The following VWA8 variants were observed in gnomAD, a reference collection of about 807,000 sequenced individuals.
VWA8 encodes the protein von Willebrand factor A domain-containing protein 8.
VWA8 carries 221 observed loss-of-function variants against 241.5 expected under a neutral mutation model. The ratio of observed to expected loss-of-function variants is 0.91; its 90% CI spans 0.82 to 1.02. VWA8 has a LOEUF of 1.02. Among genes scored for constraint, VWA8 ranks in the 50% least tolerant of loss-of-function variants. The probability of loss-of-function intolerance (pLI) is 0.00; values close to 1 mark genes in which losing one functional copy is unlikely to be tolerated. For synonymous variants in VWA8, 852 were observed against 827.1 expected (o/e 1.03, Z -0.52); for missense variants, 2,322 against 2,328.7 (o/e 1.00, Z 0.06).
intron 37 of VWA8, among the ~76,000 whole-genome samples, chr13:41,637,324 A>C (rs946361506): frequency 6.7e-6 from 1 of 149,938 alleles, no homozygotes; most frequent in African/African-American, 2.5e-5. Context: ...CAAAAAACCA[A>C]ACACCGCATG....
intron 12 of VWA8, among the ~76,000 whole-genome samples, chr13:41,841,328 T>C (rs1871988344): frequency 1.3e-5 from 2 of 152,184 alleles, no homozygotes; most frequent in East Asian, 1.9e-4. Context: ...AGTGTGACTA[T>C]GATGCTAACC....
intron 35 of VWA8, among the ~76,000 whole-genome samples, chr13:41,677,894 A>T (rs2045071170): frequency 6.6e-6 from 1 of 152,222 alleles, no homozygotes; most frequent in South Asian, 2.1e-4. Flanking sequence ...GTAGTTTACA[A>T]AAAACAAGAA....
chr13:41,897,396 A>C (rs114661666), intron 4 of VWA8, among the ~76,000 whole-genome samples: 1,674 of 152,296 alleles, frequency 0.011, 34 homozygotes, highest in African/African-American at 0.039. Context: ...AAAGAGAAAA[A>C]AGTAATGGAT....
At chr13:41,865,669 T>A (rs1480472581) in intron 12 of VWA8, 67 bp downstream of exon 12, 2 of 1,551,918 alleles carry the variant, frequency 1.3e-6, no homozygotes, top group African/African-American at 2.7e-5. Context: ...AAGATATCCA[T>A]AAATTCTGCT....
chr13:41,829,528 G>A (rs545706752), intron 14 of VWA8, among the ~76,000 whole-genome samples: 89 of 85,948 alleles, frequency 1.0e-3, no homozygotes, highest in African/African-American at 3.8e-3. Context: ...AAGGAAATGT[G>A]ATACACACAC....
intron 2 of VWA8, among the ~76,000 whole-genome samples, chr13:41,938,434 T>C (rs1189587186): frequency 1.3e-5 from 2 of 151,924 alleles, no homozygotes. Context: ...AGGCAGATCA[T>C]GAGGTCAGGA....
chr13:41,751,724 T>A (rs2045657508), intron 21 of VWA8, among the ~76,000 whole-genome samples: 1 of 152,186 alleles, frequency 6.6e-6, no homozygotes, highest in Non-Finnish European at 1.5e-5. Context: ...ATAAAGAAAC[T>A]ATGACAGAGG....
chr13:41,649,411 T>G (rs12872110), intron 37 of VWA8, among the ~76,000 whole-genome samples: 6,005 of 152,006 alleles, frequency 0.04, 150 homozygotes, highest in African/African-American at 0.076. Context: ...CAAGAATATG[T>G]CCTATAGTAA....
chr13:41,636,611 A>G (rs1593665285), intron 37 of VWA8, among the ~76,000 whole-genome samples: 1 of 152,342 alleles, frequency 6.6e-6, no homozygotes, highest in South Asian at 2.1e-4. Flanking sequence ...TCTGTACAGC[A>G]AAAGAAACTA....
At chr13:41,866,468 A>G (rs561366054) in intron 10 of VWA8, among the ~76,000 whole-genome samples, 1 of 151,980 alleles carries the variant, frequency 6.6e-6, no homozygotes, top group Non-Finnish European at 1.5e-5. Flanking sequence ...CTTAAAGTAT[A>G]TAACTGCCAC....
intron 2 of VWA8, among the ~76,000 whole-genome samples, chr13:41,934,111 C>A (rs1205600176): frequency 7.0e-6 from 1 of 142,976 alleles, no homozygotes; most frequent in African/African-American, 2.6e-5. Flanking sequence ...AAAGAAAAAG[C>A]AACTCAAAAA....
chr13:41,911,174 C>T (rs1443112208), intron 3 of VWA8, among the ~76,000 whole-genome samples: 1 of 151,042 alleles, frequency 6.6e-6, no homozygotes, highest in Non-Finnish European at 1.5e-5. Flanking sequence ...AGCAATTCTC[C>T]TGCCTCAGCC....
intron 26 of VWA8, among the ~76,000 whole-genome samples, chr13:41,710,387 T>C (rs1337341307): frequency 2.0e-5 from 3 of 152,210 alleles, no homozygotes; most frequent in African/African-American, 4.8e-5. Flanking sequence ...AGAAGATTCA[T>C]AGATCTTGAA....
At chr13:41,882,746 T>C (rs980447500) in intron 9 of VWA8, among the ~76,000 whole-genome samples, 5 of 149,058 alleles carry the variant, frequency 3.4e-5, no homozygotes, top group South Asian at 2.1e-4. Flanking sequence ...TGAGCCGAGA[T>C]GGCAGCAGTA....
At chr13:41,787,576 G>A (rs1341703462) in intron 17 of VWA8, 33 bp from the exon 18 acceptor site, 1 of 1,383,770 alleles carries the variant, frequency 7.2e-7, no homozygotes, top group South Asian at 1.2e-5. Flanking sequence ...GGGGGAAATG[G>A]CTTAAGTCAA....
intron 26 of VWA8, among the ~76,000 whole-genome samples, chr13:41,717,137 T>G (rs907654736): frequency 6.6e-6 from 1 of 151,972 alleles, no homozygotes. Context: ...TAATTGCATA[T>G]TCTGGCCTGG....
chr13:41,646,584 A>AC, intron 37 of VWA8, among the ~76,000 whole-genome samples: 2 of 150,574 alleles, frequency 1.3e-5, no homozygotes, highest in Middle Eastern at 6.9e-3. Flanking sequence ...GGTTTATCAG[A>AC]TTTTTTTTTT....
intron 5 of VWA8, among the ~76,000 whole-genome samples, chr13:41,890,678 C>A (rs1055116526): frequency 1.3e-5 from 2 of 152,154 alleles, no homozygotes; most frequent in Non-Finnish European, 2.9e-5. Flanking sequence ...TACAAAAATC[C>A]CTGCCCTTGT....
chr13:41,950,328 T>C (rs1878068136), intron 1 of VWA8, among the ~76,000 whole-genome samples: 1 of 152,140 alleles, frequency 6.6e-6, no homozygotes. Context: ...GAAGAATGCA[T>C]TTTGTTTAAG....
Sources: gnomAD v4.1 joint callset for allele counts (sites outside exome capture counted in the v4.1 genomes callset) on GRCh38, gnomAD v4.1.1 for gene constraint, MANE v1.5 for transcripts, NCBI Gene and HGNC (gene_info 2026-07-23, HGNC 2026-07-21) for gene names.